The following CIITA variants were observed in gnomAD, a reference collection of about 807,000 sequenced individuals.
The protein encoded by CIITA is class II major histocompatibility complex transactivator, also known as MHC class II transactivator.
A neutral mutation model predicts 115.1 loss-of-function variants in CIITA; 72 were observed. The observed-to-expected ratio is 0.63, with a 90% CI of 0.52 to 0.76. The LOEUF (loss-of-function observed/expected upper bound fraction) is 0.76. Among genes scored for constraint, CIITA ranks in the 30% least tolerant of loss-of-function variants. The pLI, the probability that CIITA is intolerant of heterozygous loss-of-function variation, is 0.00. For synonymous variants in CIITA, 763 were observed against 635.6 expected (o/e 1.20, Z -3.02); for missense variants, 1,617 against 1,463.8 (o/e 1.10, Z -1.71).
Position 10,895,314 on chromosome 16 carries a change from C to A in CIITA, c.85C>A (p.Pro29Thr), listed in dbSNP as rs2038012812. 3 of 1,614,016 alleles carry A rather than the reference C, an allele frequency of 1.9e-6. No homozygotes were observed. Among genetic ancestry groups the A allele is most frequent in the Non-Finnish European group, 2.5e-6 (3 of 1,180,024 alleles). ...SSQCATMELG[P>T]LEGGYLELLN... ...ACAGTGTGCCACCATGGAGTTGGGG[C>A]CCCTAGAAGGTGGCTACCTGGAGCT... is the stretch of plus-strand genomic sequence containing the variant. The change falls in exon 2 of 20, where the codon CCC (proline) becomes ACC (threonine). Residue 29 changes from proline to threonine, a missense_variant. Coordinates refer to ENST00000324288, the MANE Select transcript of CIITA (RefSeq NM_000246.4).
intron 16 of CIITA, among the ~76,000 whole-genome samples, chr16:10,919,342 G>A (rs545138904): frequency 5.9e-5 from 9 of 151,960 alleles, no homozygotes; most frequent in African/African-American, 1.2e-4. Context: ...GATTATAGGC[G>A]CCCACCACCA....
chr16:10,915,078 G>C (rs1484614858), intron 13 of CIITA: 2 of 454,584 alleles, frequency 4.4e-6, no homozygotes, highest in South Asian at 1.6e-5. Flanking sequence ...TTTGAGACAG[G>C]GTCTCGCTCT....
In CIITA at chr16:10,941,523, G is replaced by T. The variant is rs934505866; in HGVS notation, n.649G>T. ...GCCTGGGAATTCCTCCCTCTCCCTT[G>T]CTAGCGCCCCAACCCGCCCTCATCC... On this transcript the variant is annotated non_coding_transcript_exon_variant, in exon 2 of 2. Coordinates refer to the CIITA transcript ENST00000573379. The surrounding 1 kb of genome is among the most constrained non-coding windows in gnomAD (Gnocchi z 6.4). 2.9e-6 allele frequency: 4 copies of T among 1,398,436 alleles called. No homozygotes were observed. Among genetic ancestry groups the T allele is most frequent in the Non-Finnish European group, 3.7e-6 (4 of 1,073,258 alleles). The allele number at this position is 1,398,436 out of a possible 1,614,324, so 86.6% of individuals were successfully genotyped here.
At position 10,923,422 on chromosome 16, in the gene CIITA, G is replaced by A; in HGVS notation, c.*22+97G>A. ...AAAAAATGTGGGCGGGACACAGGTGGGGCTAGGCCACCACCCTTGGACGCA... is the reference window on the plus strand; with the variant it reads ...AAAAAATGTGGGCGGGACACAGGTGAGGCTAGGCCACCACCCTTGGACGCA... On this transcript the variant is annotated intron_variant, in intron 19 of 19. Coordinates refer to ENST00000324288, the MANE Select transcript of CIITA (RefSeq NM_000246.4). This position sits in a 1 kb window ranked among gnomAD's most constrained non-coding sequence, Gnocchi z 5.2. 1.1e-6 allele frequency: 1 copy of A among 951,410 alleles called. No homozygotes were observed. Among genetic ancestry groups the A allele is most frequent in the East Asian group, 2.4e-5 (1 of 40,972 alleles). The allele number at this position is 951,410 out of a possible 1,614,324, so 58.9% of individuals were successfully genotyped here. A position where few individuals can be genotyped will look rare whatever the true frequency, so the allele number is the denominator to read the frequency against.
At position 10,895,722 on chromosome 16, in the gene CIITA, A is replaced by G; in HGVS notation, c.253A>G (p.Met85Val). ...CCAGTTCAGCAGGCTGTTGTGTGAC[A>G]TGGAAGGTGATGAAGAGACCAGGGA... Reference protein sequence around the residue: ...CDQFSRLLCDMEGDEETREAY... With the variant: ...CDQFSRLLCDVEGDEETREAY... Residue 85 changes from methionine (M) to valine (V), a missense_variant, in exon 3 of 20, where the codon ATG becomes GTG. Met to Val is a conservative substitution (Grantham distance 21, BLOSUM62 1). Transcript: ENST00000324288. 6.2e-7 allele frequency: 1 copy of G among 1,614,168 alleles called. No homozygotes were observed. The highest frequency in any genetic ancestry group is 8.5e-7 in the Non-Finnish European group (1 of 1,180,002).
At chr16:10,881,242 G>C (rs2036399526) in intron 1 of CIITA, among the ~76,000 whole-genome samples, 1 of 151,960 alleles carries the variant, frequency 6.6e-6, no homozygotes, top group Admixed American at 6.6e-5. Flanking sequence ...GGTTACCCGA[G>C]AGCTGAGATT....
chr16:10,883,745 A>G (rs1188584889), intron 1 of CIITA, among the ~76,000 whole-genome samples: 1 of 152,232 alleles, frequency 6.6e-6, no homozygotes, highest in Non-Finnish European at 1.5e-5. Context: ...TACTGGGGAC[A>G]TTCACAGGAG....
At position 10,931,197 on chromosome 16, in the gene CIITA, A is replaced by G. The variant is rs3922481; in HGVS notation, c.*7342A>G. 71,032 of 151,792 alleles carry G rather than the reference A, an allele frequency of 0.47. 18,063 individuals are homozygous for G. Among genetic ancestry groups the G allele is most frequent in the East Asian group, 0.67 (3,412 of 5,122 alleles). 9.4% of individuals were successfully genotyped at this position (151,792 alleles called of 1,614,324 possible). ...AATTAGCCAGGCATAGTGTAGTCTC[A>G]GCTACTTGGAAGGCTGAGGCAGGAG... On this transcript the variant is annotated 3_prime_UTR_variant, in exon 20 of 20. Transcript: ENST00000324288.
At chr16:10,878,420 C>T (rs192985887) in intron 1 of CIITA, among the ~76,000 whole-genome samples, 30 of 152,290 alleles carry the variant, frequency 2.0e-4, no homozygotes, top group Admixed American at 6.5e-4. Flanking sequence ...CAGCAGGAAT[C>T]CAAGACCTCT....
upstream of CIITA, among the ~76,000 whole-genome samples, chr16:10,874,622 G>A (rs112044576): frequency 5.2e-3 from 795 of 152,314 alleles, 7 homozygotes; most frequent in African/African-American, 0.013. Flanking sequence ...GACCTGCACC[G>A]ACACAGGCAT....
Position 10,941,606 on chromosome 16 carries a change from C to T in CIITA, n.732C>T. ...CAGGGGAGGGTCTCCTCCTGGGGAACCATCCCCGTCCAGATGGTGCCCCCA... is the reference window on the plus strand; with the variant it reads ...CAGGGGAGGGTCTCCTCCTGGGGAATCATCCCCGTCCAGATGGTGCCCCCA... On this transcript the variant is annotated non_coding_transcript_exon_variant, in exon 2 of 2. Coordinates refer to the CIITA transcript ENST00000573379. This position sits in a 1 kb window ranked among gnomAD's most constrained non-coding sequence, Gnocchi z 6.4. 1.3e-6 allele frequency: 2 copies of T among 1,492,942 alleles called. No individual in the cohort carries two copies. Among genetic ancestry groups the T allele is most frequent in the East Asian group, 2.4e-5 (1 of 42,528 alleles). 92.5% of individuals were successfully genotyped at this position (1,492,942 alleles called of 1,614,324 possible). A position where few individuals can be genotyped will look rare whatever the true frequency, so the allele number is the denominator to read the frequency against.
intron 1 of CIITA, chr16:10,866,331 G>A (rs773231070): frequency 1.8e-6 from 1 of 569,460 alleles, no homozygotes; most frequent in African/African-American, 1.9e-5. Flanking sequence ...TGAGAATGCT[G>A]CTCTCCAGCC....
intron 9 of CIITA, 112 bp downstream of exon 9, chr16:10,904,007 A>T: frequency 7.0e-7 from 1 of 1,423,602 alleles, no homozygotes; most frequent in Non-Finnish European, 9.9e-7. Context: ...ACAACAGGTC[A>T]TGTTTAGGGG....
chr16:10,869,538 TAC>T (rs1378962877), intron 1 of CIITA, among the ~76,000 whole-genome samples: 1 of 145,176 alleles, frequency 6.9e-6, no homozygotes, highest in Non-Finnish European at 1.5e-5. Flanking sequence ...TTTTTTTTGA[TAC>T]AGAGTCTTGC....
At chr16:10,868,482 GT>G (rs1275970327) in intron 1 of CIITA, among the ~76,000 whole-genome samples, 1 of 152,180 alleles carries the variant, frequency 6.6e-6, no homozygotes, top group Non-Finnish European at 1.5e-5. Context: ...CACCCAAGTG[GT>G]TTCCATCGTC....
chr16:10,921,252 A>C (rs1387671881), intron 16 of CIITA, among the ~76,000 whole-genome samples: 3 of 152,188 alleles, frequency 2.0e-5, no homozygotes, highest in Non-Finnish European at 4.4e-5. Context: ...GCAGCACCTG[A>C]CCTGTTAAAA....
rs769633475 is a variant in CIITA at position 10,901,772 on chromosome 16, T to G, written c.481+214T>G. The G allele has an allele frequency of 3.0e-6, 2 of 664,890 alleles. No homozygotes were observed. Among genetic ancestry groups the G allele is most frequent in the East Asian group, 2.7e-5 (1 of 36,840 alleles). The allele number at this position is 664,890 out of a possible 1,614,324, so 41.2% of individuals were successfully genotyped here. ...TGGTAGGGGCTTGGAGCTAACAGAT[T>G]GTTCATAGGTTCTATTCTGCCCCAG... On this transcript the variant is annotated intron_variant, in intron 6 of 19. Transcript: ENST00000324288. This position sits in a 1 kb window ranked among gnomAD's most constrained non-coding sequence, Gnocchi z 6.8.
Position 10,941,397 on chromosome 16 carries a change from G to T in CIITA, n.523G>T. 4.4e-6 allele frequency: 2 copies of T among 457,866 alleles called. No homozygotes were observed. The highest frequency in any genetic ancestry group is 6.3e-6 in the Non-Finnish European group (2 of 318,886). The allele number at this position is 457,866 out of a possible 1,614,324, so 28.4% of individuals were successfully genotyped here. ...CCCCTTTGCTGGAGGAAGCTTTCCA[G>T]CCCAAACGAAGGGCTTAAGAGGAGT... On this transcript the variant is annotated non_coding_transcript_exon_variant, in exon 2 of 2. Transcript: ENST00000573379. This position sits in a 1 kb window ranked among gnomAD's most constrained non-coding sequence, Gnocchi z 6.4.
At chr16:10,885,048 T>C (rs1419157441) in intron 1 of CIITA, among the ~76,000 whole-genome samples, 2 of 152,142 alleles carry the variant, frequency 1.3e-5, no homozygotes, top group Admixed American at 6.5e-5. Context: ...GTAAAATGTG[T>C]CCAGGCAGAA....
Sources: allele counts gnomAD v4.1 joint callset (sites outside exome capture counted in the v4.1 genomes callset), GRCh38; gene constraint gnomAD v4.1.1; non-coding constraint Gnocchi (gnomAD v3.1); transcripts MANE v1.5; gene names NCBI Gene and HGNC (gene_info 2026-07-23, HGNC 2026-07-21).